Variants in MYO3A observed in about 807,000 individuals in gnomAD.
MYO3A encodes myosin-IIIa.
Under a neutral mutation model 192.7 loss-of-function variants are expected in MYO3A, and 180 were observed. That is an observed-to-expected ratio of 0.93 (90% CI 0.83 to 1.06). The LOEUF (loss-of-function observed/expected upper bound fraction) is 1.06, where lower values mean the gene tolerates loss of function less well. MYO3A is among the 50% of genes least tolerant of loss of function. The pLI is 0.00. For synonymous variants in MYO3A, 628 were observed against 645.3 expected (o/e 0.97, Z 0.41); for missense variants, 1,896 against 1,905.0 (o/e 1.00, Z 0.09).
chr10:26,067,622 CG>C (rs1039592694), intron 11 of MYO3A, among the ~76,000 whole-genome samples: 3 of 152,106 alleles, frequency 2.0e-5, no homozygotes, highest in African/African-American at 7.2e-5. Flanking sequence ...GCTTATCTTT[CG>C]GGGGTATTGA....
chr10:26,164,686 T>A (rs779899604), intron 26 of MYO3A, among the ~76,000 whole-genome samples: 37 of 152,206 alleles, frequency 2.4e-4, no homozygotes, highest in Non-Finnish European at 4.3e-4. Flanking sequence ...TTTCTCTGGC[T>A]GTGCTCTGAA....
chr10:25,997,984 G>A (rs1036017610), intron 6 of MYO3A, among the ~76,000 whole-genome samples: 2 of 152,148 alleles, frequency 1.3e-5, no homozygotes, highest in Non-Finnish European at 1.5e-5. Flanking sequence ...TCCTTCAGTC[G>A]TTATTCTCCT....
chr10:26,116,803 G>A (rs1186646691), intron 17 of MYO3A, among the ~76,000 whole-genome samples: 1 of 152,120 alleles, frequency 6.6e-6, no homozygotes, highest in Non-Finnish European at 1.5e-5. Flanking sequence ...AGGATGTTTA[G>A]CAGCACCCTT....
chr10:26,056,079 A>T (rs2131313409), intron 10 of MYO3A, among the ~76,000 whole-genome samples: 1 of 152,348 alleles, frequency 6.6e-6, no homozygotes, highest in African/African-American at 2.4e-5. Flanking sequence ...TAATATGATA[A>T]AGGCTCTAGT....
At chr10:26,170,142 C>G (rs1047096935) in intron 28 of MYO3A, among the ~76,000 whole-genome samples, 2 of 152,156 alleles carry the variant, frequency 1.3e-5, no homozygotes, top group Non-Finnish European at 2.9e-5. Context: ...AGCAAATGAG[C>G]ACACTTTGTC....
At chr10:26,151,590 T>G (rs989765848) in intron 23 of MYO3A, among the ~76,000 whole-genome samples, 19 of 152,226 alleles carry the variant, frequency 1.2e-4, no homozygotes, top group African/African-American at 3.4e-4. Context: ...AAACAGCACA[T>G]AGTTGCGTCT....
chr10:25,954,649 AT>A (rs2130578150), intron 3 of MYO3A, among the ~76,000 whole-genome samples: 1 of 152,226 alleles, frequency 6.6e-6, no homozygotes, highest in Non-Finnish European at 1.5e-5. Context: ...CCATTTTAAA[AT>A]TTGATGAAAT....
At chr10:26,180,490 TG>T (rs1842569413) in intron 31 of MYO3A, among the ~76,000 whole-genome samples, 2 of 152,276 alleles carry the variant, frequency 1.3e-5, no homozygotes, top group Admixed American at 1.3e-4. Flanking sequence ...TTTATGTTAT[TG>T]GGAAATTTCC....
At chr10:26,088,806 A>G (rs992078783) in intron 15 of MYO3A, among the ~76,000 whole-genome samples, 1 of 152,222 alleles carries the variant, frequency 6.6e-6, no homozygotes, top group South Asian at 2.1e-4. Flanking sequence ...TATTCTTCCT[A>G]TGTTTATATA....
intron 9 of MYO3A, among the ~76,000 whole-genome samples, chr10:26,024,707 T>C (rs1251601226): frequency 6.6e-6 from 1 of 152,212 alleles, no homozygotes; most frequent in Non-Finnish European, 1.5e-5. Context: ...AAGGATCATA[T>C]TTCTCCTTTG....
At chr10:26,047,871 T>C (rs1843723690) in intron 10 of MYO3A, among the ~76,000 whole-genome samples, 1 of 149,232 alleles carries the variant, frequency 6.7e-6, no homozygotes, top group Non-Finnish European at 1.5e-5. Context: ...TGAGTACGGA[T>C]GATAAAATTT....
At chr10:25,955,822 G>A (rs1317484596) in intron 4 of MYO3A, among the ~76,000 whole-genome samples, 1 of 152,120 alleles carries the variant, frequency 6.6e-6, no homozygotes, top group Non-Finnish European at 1.5e-5. Context: ...TGTTTTATTA[G>A]CATTTGAGTA....
chr10:26,172,106 A>T (rs1842075494), intron 29 of MYO3A, among the ~76,000 whole-genome samples: 1 of 152,224 alleles, frequency 6.6e-6, no homozygotes, highest in African/African-American at 2.4e-5. Context: ...AGAGGCAGAA[A>T]GTCAAGGGAA....
At chr10:26,158,201 G>A (rs1197498370) in intron 26 of MYO3A, among the ~76,000 whole-genome samples, 1 of 151,980 alleles carries the variant, frequency 6.6e-6, no homozygotes, top group Non-Finnish European at 1.5e-5. Context: ...AATTTAAAAA[G>A]CTAACATAAA....
Position 26,170,805 on chromosome 10 carries a change from A to G in MYO3A, c.3398+266A>G, listed in dbSNP as rs537818496. 2.0e-5 allele frequency among the ~76,000 whole-genome samples: 3 copies of G among 152,284 alleles called. No individual in the cohort carries two copies. In the South Asian group the frequency reaches 6.2e-4, roughly 32 times the overall value. ...GTGTCCTTTGCTAATATGTCCTCCA[A>G]TCCCCACATTTAAATCCTCATCCAT... is the stretch of plus-strand genomic sequence containing the variant. On this transcript the variant is annotated intron_variant, in intron 29 of 34. Transcript: ENST00000642920.
At chr10:26,199,378 C>A (rs1407495847) in intron 32 of MYO3A, among the ~76,000 whole-genome samples, 2 of 151,976 alleles carry the variant, frequency 1.3e-5, no homozygotes, top group African/African-American at 4.8e-5. Context: ...CATAGCGAAA[C>A]CTTGTCTCCA....
chr10:26,013,140 A>G (rs1841776823), intron 6 of MYO3A, among the ~76,000 whole-genome samples: 2 of 152,178 alleles, frequency 1.3e-5, no homozygotes, highest in Non-Finnish European at 2.9e-5. Context: ...TGGATCAAAG[A>G]CTTAAATATA....
intron 2 of MYO3A, among the ~76,000 whole-genome samples, chr10:25,940,598 A>T (rs1836426900): frequency 6.6e-6 from 1 of 152,060 alleles, no homozygotes; most frequent in African/African-American, 2.4e-5. Flanking sequence ...CTTGAAACAT[A>T]TCCTTTAGAA....
chr10:26,113,481 A>C (rs569322575), intron 17 of MYO3A, among the ~76,000 whole-genome samples: 1 of 151,030 alleles, frequency 6.6e-6, no homozygotes, highest in South Asian at 2.1e-4. Flanking sequence ...AAAAACAAAA[A>C]AAAAAACAAA....
Sources: allele counts gnomAD v4.1 joint callset (sites outside exome capture counted in the v4.1 genomes callset), GRCh38; gene constraint gnomAD v4.1.1; transcripts MANE v1.5; gene names NCBI Gene and HGNC (gene_info 2026-07-23, HGNC 2026-07-21).